Variants in NRXN1 observed in about 807,000 individuals in gnomAD.
The protein encoded by NRXN1 is neurexin 1.
NRXN1 carries 39 observed loss-of-function variants against 150.9 expected under a neutral mutation model. The observed-to-expected ratio is 0.26, with a 90% CI of 0.20 to 0.34. The LOEUF (loss-of-function observed/expected upper bound fraction) is 0.34. NRXN1 is among the 10% of genes least tolerant of loss of function. The probability of loss-of-function intolerance (pLI) is 1.00; values close to 1 mark genes in which losing one functional copy is unlikely to be tolerated. For synonymous variants in NRXN1, 924 were observed against 757.0 expected, an observed-to-expected ratio of 1.22 and a Z score of -3.62; for missense variants, 1,815 against 1,949.9, an observed-to-expected ratio of 0.93 and a Z score of 1.30.
intron 5 of NRXN1, among the ~76,000 whole-genome samples, chr2:50,873,603 C>A (rs1678123161): frequency 6.6e-6 from 1 of 151,750 alleles, no homozygotes; most frequent in African/African-American, 2.4e-5. Flanking sequence ...TAACCATGAG[C>A]TCCACTTTAG....
At chr2:50,452,741 T>A (rs919980712) in intron 17 of NRXN1, among the ~76,000 whole-genome samples, 62 of 152,356 alleles carry the variant, frequency 4.1e-4, no homozygotes, top group African/African-American at 1.5e-3. Flanking sequence ...TGACAGTGGT[T>A]CTGTTGATTC....
In NRXN1 at chr2:50,629,129, C is replaced by G. The variant is rs149093658; in HGVS notation, c.833-5514G>C. 3.1e-3 allele frequency among the ~76,000 whole-genome samples: 474 copies of G among 151,650 alleles called. 2 individuals carry two copies. Among genetic ancestry groups the G allele is most frequent in the African/African-American group, 0.011 (448 of 41,470 alleles). ...ACCAATTCCACTCATAAGCATATAT[C>G]CAACAAAAAATACACATATCATCAG... On this transcript the variant is annotated intron_variant, in intron 5 of 22. Coordinates refer to ENST00000401669, the MANE Select transcript of NRXN1 (RefSeq NM_001330078.2).
chr2:50,605,409 C>T (rs1235630234), intron 8 of NRXN1, among the ~76,000 whole-genome samples: 1 of 152,118 alleles, frequency 6.6e-6, no homozygotes, highest in African/African-American at 2.4e-5. Flanking sequence ...GGAGGAGTTG[C>T]CCTATTCTCC....
At chr2:50,014,646 C>A (rs994064866) in intron 21 of NRXN1, among the ~76,000 whole-genome samples, 1 of 152,074 alleles carries the variant, frequency 6.6e-6, no homozygotes, top group African/African-American at 2.4e-5. Flanking sequence ...TTCATTAATT[C>A]TTTTTTTATT....
chr2:50,293,987 T>C (rs2073260193), intron 17 of NRXN1, among the ~76,000 whole-genome samples: 1 of 152,204 alleles, frequency 6.6e-6, no homozygotes, highest in Admixed American at 6.6e-5. Context: ...TCTGTTCACT[T>C]ACTAACTTGG....
In NRXN1 at chr2:50,142,349, G is replaced by A. The variant is rs886643339; in HGVS notation, c.3547-50855C>T. ...GGGGTGAAGAGAGGTAGGACAGGGG[G>A]TATAAACATACAGTTAGATGGAAGA... On this transcript the variant is annotated intron_variant, in intron 18 of 22. Coordinates refer to ENST00000401669, the MANE Select transcript of NRXN1 (RefSeq NM_001330078.2). Among the ~76,000 whole-genome samples, 98 of 151,730 alleles carry A rather than the reference G, an allele frequency of 6.5e-4. 1 individual carries two copies. The highest frequency in any genetic ancestry group is 1.8e-4 in the Non-Finnish European group (12 of 67,826).
intron 18 of NRXN1, among the ~76,000 whole-genome samples, chr2:50,127,189 T>C (rs759062050): frequency 6.6e-6 from 1 of 152,054 alleles, no homozygotes; most frequent in Non-Finnish European, 1.5e-5. Context: ...CATACGACAA[T>C]AGTTGAATCT....
chr2:50,007,756 G>A (rs1275233559), intron 21 of NRXN1, among the ~76,000 whole-genome samples: 1 of 152,096 alleles, frequency 6.6e-6, no homozygotes, highest in Non-Finnish European at 1.5e-5. Context: ...CCAGTAATGG[G>A]ATTGCTGGGT....
intron 5 of NRXN1, among the ~76,000 whole-genome samples, chr2:50,688,704 T>A (rs1362075702): frequency 1.3e-5 from 2 of 152,214 alleles, no homozygotes; most frequent in Non-Finnish European, 2.9e-5. Context: ...TTGTTGTTTT[T>A]GTTTAAAGCC....
intron 17 of NRXN1, among the ~76,000 whole-genome samples, chr2:50,319,018 A>G (rs1022130977): frequency 8.5e-5 from 13 of 152,136 alleles, no homozygotes; most frequent in African/African-American, 3.1e-4. Flanking sequence ...ATAAGTTTAA[A>G]TTAAGAAGAA....
intron 17 of NRXN1, among the ~76,000 whole-genome samples, chr2:50,320,402 G>T (rs933038526): frequency 2.8e-5 from 4 of 143,946 alleles, no homozygotes; most frequent in African/African-American, 1.0e-4. Flanking sequence ...AATAAGCATA[G>T]TATCTTACTA....
intron 5 of NRXN1, among the ~76,000 whole-genome samples, chr2:50,629,319 A>G (rs78081661): frequency 6.6e-6 from 1 of 151,724 alleles, no homozygotes; most frequent in Non-Finnish European, 1.5e-5. Context: ...ACAGAAATAC[A>G]GATAAATCTC....
chr2:50,882,513 T>C (rs556136530), intron 5 of NRXN1, among the ~76,000 whole-genome samples: 2 of 151,964 alleles, frequency 1.3e-5, no homozygotes, highest in African/African-American at 4.8e-5. Context: ...ACCATGTTTA[T>C]CAGGCTTCAG....
intron 18 of NRXN1, among the ~76,000 whole-genome samples, chr2:50,128,822 A>C (rs1705007652): frequency 6.6e-6 from 1 of 151,782 alleles, no homozygotes; most frequent in Non-Finnish European, 1.5e-5. Flanking sequence ...ATCTCTATTA[A>C]AACTACAAAA....
intron 8 of NRXN1, among the ~76,000 whole-genome samples, chr2:50,607,153 A>C (rs988561062): frequency 3.3e-5 from 5 of 152,294 alleles, no homozygotes; most frequent in African/African-American, 1.2e-4. Flanking sequence ...TCCTAAAGAA[A>C]ATGTGAGAGT....
intron 5 of NRXN1, among the ~76,000 whole-genome samples, chr2:50,678,492 G>C (rs1689866102): frequency 1.3e-5 from 2 of 152,100 alleles, no homozygotes; most frequent in Non-Finnish European, 2.9e-5. Context: ...CATTTTACAT[G>C]TTTCAACTAG....
intron 12 of NRXN1, among the ~76,000 whole-genome samples, chr2:50,509,604 A>G (rs2092373740): frequency 6.6e-6 from 1 of 152,220 alleles, no homozygotes; most frequent in South Asian, 2.1e-4. Context: ...CACAGAATTT[A>G]ACATATACAA....
intron 5 of NRXN1, among the ~76,000 whole-genome samples, chr2:50,701,100 C>T (rs764847221): frequency 2.0e-5 from 3 of 152,118 alleles, no homozygotes; most frequent in Non-Finnish European, 4.4e-5. Flanking sequence ...TTAAAGTAGG[C>T]CTTTCCTTCC....
At chr2:50,687,811 T>G (rs1691471717) in intron 5 of NRXN1, among the ~76,000 whole-genome samples, 1 of 152,114 alleles carries the variant, frequency 6.6e-6, no homozygotes, top group Non-Finnish European at 1.5e-5. Context: ...CCAAGGCAGT[T>G]TTGACAAACA....
Sources: allele counts gnomAD v4.1 joint callset (sites outside exome capture counted in the v4.1 genomes callset), GRCh38; gene constraint gnomAD v4.1.1; transcripts MANE v1.5; gene names NCBI Gene and HGNC (gene_info 2026-07-23, HGNC 2026-07-21).